Variants in EYS observed in about 807,000 individuals in gnomAD.
EYS encodes protein eyes shut homolog.
A neutral mutation model predicts 282.1 loss-of-function variants in EYS; 250 were observed. The ratio of observed to expected loss-of-function variants is 0.89; its 90% CI spans 0.80 to 0.98. EYS has a LOEUF of 0.98. EYS is among the 50% of genes least tolerant of loss of function. The pLI is 0.00. For synonymous variants in EYS, 1,355 were observed against 1,282.9 expected (o/e 1.06, Z -1.20); for missense variants, 4,016 against 3,709.0 (o/e 1.08, Z -2.15).
At chr6:65,504,002 AT>A in intron 2 of EYS, among the ~76,000 whole-genome samples, 1 of 151,682 alleles carries the variant, frequency 6.6e-6, no homozygotes, top group Non-Finnish European at 1.5e-5. Context: ...GCTTGATGTA[AT>A]TTTGATTGGG....
At chr6:65,573,640 G>A (rs544141529) in intron 2 of EYS, among the ~76,000 whole-genome samples, 6 of 152,114 alleles carry the variant, frequency 3.9e-5, no homozygotes, top group Non-Finnish European at 8.8e-5. Context: ...CAGGCTCTGT[G>A]GCTGTACTGG....
intron 14 of EYS, among the ~76,000 whole-genome samples, chr6:64,965,196 T>C (rs139816040): frequency 0.012 from 1,837 of 152,244 alleles, 39 homozygotes; most frequent in African/African-American, 0.042. Flanking sequence ...TTGCTAAATA[T>C]GTATTAAATG....
intron 22 of EYS, among the ~76,000 whole-genome samples, chr6:64,627,237 T>C (rs908071364): frequency 3.0e-4 from 46 of 152,256 alleles, no homozygotes; most frequent in African/African-American, 9.4e-4. Flanking sequence ...GTTGGGAAAA[T>C]AGACAAGTAG....
intron 2 of EYS, among the ~76,000 whole-genome samples, chr6:65,565,949 G>A (rs1018484692): frequency 6.6e-6 from 1 of 151,986 alleles, no homozygotes; most frequent in Admixed American, 6.6e-5. Context: ...GGCCTGTTGT[G>A]GGGTGGGGGG....
chr6:65,074,163 GAAATAAACAA>G (rs1290391370), intron 12 of EYS, among the ~76,000 whole-genome samples: 1 of 151,972 alleles, frequency 6.6e-6, no homozygotes, highest in Non-Finnish European at 1.5e-5. Flanking sequence ...TCTAACTCTA[GAAATAAACAA>G]AAATGAAAAA....
At chr6:65,036,438 A>G (rs1317886621) in intron 13 of EYS, among the ~76,000 whole-genome samples, 1 of 151,990 alleles carries the variant, frequency 6.6e-6, no homozygotes, top group Non-Finnish European at 1.5e-5. Context: ...AAATATTTTC[A>G]TTATGATGCC....
At chr6:64,730,336 G>A (rs1463596473) in intron 22 of EYS, among the ~76,000 whole-genome samples, 2 of 152,184 alleles carry the variant, frequency 1.3e-5, no homozygotes, top group Non-Finnish European at 2.9e-5. Context: ...ACATAAGGAA[G>A]CTGTGATCAC....
intron 22 of EYS, among the ~76,000 whole-genome samples, chr6:64,809,833 A>G (rs761107021): frequency 2.0e-5 from 3 of 152,066 alleles, no homozygotes; most frequent in Non-Finnish European, 4.4e-5. Flanking sequence ...TGCAGAATGG[A>G]GAAAAGGAGC....
chr6:64,727,447 C>T (rs1771795046), intron 22 of EYS, among the ~76,000 whole-genome samples: 1 of 152,166 alleles, frequency 6.6e-6, no homozygotes, highest in Non-Finnish European at 1.5e-5. Flanking sequence ...AATCTCAACT[C>T]TCCTGCACTG....
intron 24 of EYS, among the ~76,000 whole-genome samples, chr6:64,612,546 C>T (rs947400072): frequency 1.3e-5 from 2 of 152,038 alleles, no homozygotes; most frequent in African/African-American, 4.8e-5. Context: ...TTTGGAATCA[C>T]TTTTGTAATT....
In EYS at chr6:64,038,023, T is replaced by G. The variant is rs1352298176; in HGVS notation, c.6725+28315A>C. Among the ~76,000 whole-genome samples the G allele has an allele frequency of 3.3e-5, 5 of 152,214 alleles. No homozygotes were observed. The East Asian group carries it at 9.6e-4, about 29-fold the overall frequency. ...GAACTAAAACATATTTTAGATCAAA[T>G]TGACTTTTTCTGATTAGTGGTCATT... On this transcript the variant is annotated intron_variant, in intron 33 of 42. Coordinates refer to ENST00000503581, the MANE Select transcript of EYS (RefSeq NM_001142800.2).
At chr6:65,352,805 A>T (rs1184038716) in intron 9 of EYS, among the ~76,000 whole-genome samples, 1 of 151,944 alleles carries the variant, frequency 6.6e-6, no homozygotes, top group Non-Finnish European at 1.5e-5. Flanking sequence ...AAATCAAAAT[A>T]TCTAACCCAG....
intron 26 of EYS, among the ~76,000 whole-genome samples, chr6:64,550,274 A>T (rs1019337260): frequency 2.0e-5 from 3 of 152,168 alleles, no homozygotes; most frequent in African/African-American, 7.2e-5. Flanking sequence ...GCTGGGTCAA[A>T]TGGTATTTCT....
rs143500441 is a variant in EYS, at chr6:64,835,090, C to T, written c.2993-12268G>A. On this transcript the variant is annotated intron_variant, in intron 19 of 42. Coordinates refer to ENST00000503581, the MANE Select transcript of EYS (RefSeq NM_001142800.2). ...AACTGGCTCTTGGAAGAAAAAAAATCAGGAAGCAAGGGCTTATTTATAACA... is the reference window on the plus strand; with the variant it reads ...AACTGGCTCTTGGAAGAAAAAAAATTAGGAAGCAAGGGCTTATTTATAACA... Among the ~76,000 whole-genome samples, 46 of 151,814 alleles carry T rather than the reference C, an allele frequency of 3.0e-4. 1 individual carries two copies. Among genetic ancestry groups the T allele is most frequent in the African/African-American group, 9.2e-4 (38 of 41,492 alleles).
intron 12 of EYS, among the ~76,000 whole-genome samples, chr6:65,167,965 A>G (rs1272547369): frequency 6.6e-6 from 1 of 151,122 alleles, no homozygotes; most frequent in Non-Finnish European, 1.5e-5. Flanking sequence ...TTCACTTGAT[A>G]TTTTTACAGC....
At chr6:65,450,257 G>T (rs144809745) in intron 5 of EYS, among the ~76,000 whole-genome samples, 419 of 152,110 alleles carry the variant, frequency 2.8e-3, no homozygotes, top group Non-Finnish European at 4.4e-3. Flanking sequence ...TCTAGATTCT[G>T]CCACGTCTGT....
chr6:64,832,365 T>C (rs1376866439), intron 19 of EYS, among the ~76,000 whole-genome samples: 1 of 151,890 alleles, frequency 6.6e-6, no homozygotes, highest in East Asian at 1.9e-4. Flanking sequence ...AAACACTGCA[T>C]GATTCTATCT....
intron 11 of EYS, among the ~76,000 whole-genome samples, chr6:65,316,833 T>C (rs1049889937): frequency 7.0e-4 from 107 of 152,182 alleles, no homozygotes; most frequent in African/African-American, 2.5e-3. Flanking sequence ...GGCTGCATAG[T>C]ATTCCATGTT....
intron 22 of EYS, among the ~76,000 whole-genome samples, chr6:64,648,713 A>G (rs997332728): frequency 6.6e-5 from 10 of 152,188 alleles, no homozygotes. Flanking sequence ...AGACTGATAA[A>G]CCGTTCAGAA....
Sources: gnomAD v4.1 joint callset for allele counts (sites outside exome capture counted in the v4.1 genomes callset) on GRCh38, gnomAD v4.1.1 for gene constraint, MANE v1.5 for transcripts, NCBI Gene and HGNC (gene_info 2026-07-23, HGNC 2026-07-21) for gene names.